Variants in FAP observed in about 807,000 individuals in gnomAD.
FAP encodes prolyl endopeptidase FAP.
FAP carries 110 observed loss-of-function variants against 126.5 expected under a neutral mutation model. That is an observed-to-expected ratio of 0.87 (90% CI 0.74 to 1.02). The LOEUF is 1.02. Ranked by LOEUF, FAP falls within the 50% of genes least tolerant of loss-of-function variation. FAP has a pLI of 0.00. For synonymous variants in FAP, 334 were observed against 297.3 expected (o/e 1.12, Z -1.27); for missense variants, 919 against 909.2 (o/e 1.01, Z -0.14).
chr2:162,227,101 A>G (rs1689686074), intron 2 of FAP, among the ~76,000 whole-genome samples: 1 of 152,148 alleles, frequency 6.6e-6, no homozygotes, highest in South Asian at 2.1e-4. Context: ...TGATTTATCA[A>G]TGATGTATTT....
At chr2:162,194,784 G>T in intron 16 of FAP, 36 bp from the exon 17 acceptor site, 1 of 1,598,004 alleles carries the variant, frequency 6.3e-7, no homozygotes, top group Non-Finnish European at 8.6e-7. Context: ...ATGGCTTAGT[G>T]TTAAAATAAC....
intron 16 of FAP, among the ~76,000 whole-genome samples, chr2:162,196,819 A>G (rs1688270729): frequency 6.6e-6 from 1 of 152,208 alleles, no homozygotes; most frequent in South Asian, 2.1e-4. Flanking sequence ...CTGGAGCTTC[A>G]AAAACACCAG....
intron 12 of FAP, among the ~76,000 whole-genome samples, chr2:162,209,158 G>A (rs1688827044): frequency 6.6e-6 from 1 of 152,022 alleles, no homozygotes; most frequent in East Asian, 1.9e-4. Flanking sequence ...ATGGGCTAAT[G>A]TGTTAAACCA....
At position 162,224,981 on chromosome 2, in the gene FAP, C is replaced by G. The variant is rs1160100706; in HGVS notation, c.286-441G>C. Among the ~76,000 whole-genome samples, 8 of 152,236 alleles carry G rather than the reference C, an allele frequency of 5.3e-5. No individual in the cohort carries two copies. In the East Asian group the frequency reaches 1.5e-3, roughly 29 times the overall value. On this transcript the variant is annotated intron_variant, in intron 4 of 25. Coordinates refer to ENST00000188790, the MANE Select transcript of FAP (RefSeq NM_004460.5). Reference sequence around the variant, plus strand: ...TTGGAGGACTGGGAGCCCAGTGGGACAGAACAGTTAAGTGCCCATACTTTA... The same window carrying G: ...TTGGAGGACTGGGAGCCCAGTGGGAGAGAACAGTTAAGTGCCCATACTTTA...
At chr2:162,174,762 T>A (rs746086122) in intron 22 of FAP, 105 bp downstream of exon 22, 1 of 680,240 alleles carries the variant, frequency 1.5e-6, no homozygotes, top group African/African-American at 1.8e-5. Context: ...TCCCCAGTGA[T>A]GCTGGGGTGA....
intron 21 of FAP, chr2:162,176,697 G>C (rs1364285614): frequency 2.0e-5 from 3 of 152,080 alleles, no homozygotes; most frequent in Non-Finnish European, 4.4e-5. Context: ...GGTTTTATTG[G>C]CAAAGTGTGT....
At chr2:162,213,413 C>A (rs1689037056) in intron 11 of FAP, among the ~76,000 whole-genome samples, 1 of 147,890 alleles carries the variant, frequency 6.8e-6, no homozygotes, top group Non-Finnish European at 1.5e-5. Flanking sequence ...ACAAAAAAAA[C>A]AAAAAACAAA....
chr2:162,178,416 T>C (rs1687562343), intron 21 of FAP, among the ~76,000 whole-genome samples: 1 of 152,192 alleles, frequency 6.6e-6, no homozygotes, highest in African/African-American at 2.4e-5. Context: ...CTGTCCTATG[T>C]ATCACAGGAT....
At chr2:162,195,952 G>A (rs572585051) in intron 16 of FAP, among the ~76,000 whole-genome samples, 1 of 152,168 alleles carries the variant, frequency 6.6e-6, no homozygotes, top group South Asian at 2.1e-4. Context: ...GAGGAGAAAT[G>A]ATTTTTTTGT....
rs1188191755 is a variant in FAP at position 162,219,201 on chromosome 2, G to T, written c.487-18C>A. Reference sequence around the variant, plus strand: ...ACATATGCCTAAAAGTGGTGGTAAGGGGAAATTCCACAACAAATTAAATGA... The same window carrying T: ...ACATATGCCTAAAAGTGGTGGTAAGTGGAAATTCCACAACAAATTAAATGA... On this transcript the variant is annotated intron_variant, in intron 7 of 25. Coordinates refer to ENST00000188790, the MANE Select transcript of FAP (RefSeq NM_004460.5). 6.3e-7 allele frequency: 1 copy of T among 1,594,520 alleles called. No homozygotes were observed. The highest frequency in any genetic ancestry group is 1.7e-5 in the Admixed American group (1 of 57,944).
intron 16 of FAP, chr2:162,198,514 G>T: frequency 1.5e-6 from 1 of 686,394 alleles, no homozygotes; most frequent in Non-Finnish European, 2.2e-6. Flanking sequence ...CTGATGCTTA[G>T]CTGCAGTGCG....
intron 6 of FAP, among the ~76,000 whole-genome samples, chr2:162,221,210 G>A (rs1045491112): frequency 5.9e-5 from 9 of 152,066 alleles, no homozygotes; most frequent in Admixed American, 1.3e-4. Flanking sequence ...CTGGGTGATC[G>A]GGAACATGTT....
intron 14 of FAP, among the ~76,000 whole-genome samples, chr2:162,201,260 GA>G (rs1688488188): frequency 6.6e-6 from 1 of 152,162 alleles, no homozygotes; most frequent in South Asian, 2.1e-4. Flanking sequence ...CCACGAATGT[GA>G]AAAGTTTGGG....
intron 2 of FAP, among the ~76,000 whole-genome samples, chr2:162,238,645 A>C (rs1690231118): frequency 6.6e-6 from 1 of 152,168 alleles, no homozygotes; most frequent in Non-Finnish European, 1.5e-5. Flanking sequence ...TAGTGAAAAA[A>C]TAAGCTTAAA....
chr2:162,203,647 G>A (rs1317853473), intron 12 of FAP, among the ~76,000 whole-genome samples: 1 of 152,076 alleles, frequency 6.6e-6, no homozygotes, highest in African/African-American at 2.4e-5. Flanking sequence ...ATGGTGAGGA[G>A]GGGCTTCTGG....
chr2:162,214,083 A>C lies in FAP; in HGVS notation c.867-10T>G, dbSNP rs1485290834. 6 of 1,612,792 alleles carry C rather than the reference A, an allele frequency of 3.7e-6. No homozygotes were observed. The highest frequency in any genetic ancestry group is 5.1e-6 in the Non-Finnish European group (6 of 1,179,562). On this transcript the variant is annotated splice_polypyrimidine_tract_variant and intron_variant, in intron 10 of 25. Transcript: ENST00000188790. ...ACTGAAATAATAATCACTGCAAATAAAATAGAAACAGGTAGTCACAACCAT... is the reference window on the plus strand; with the variant it reads ...ACTGAAATAATAATCACTGCAAATACAATAGAAACAGGTAGTCACAACCAT...
chr2:162,217,792 A>G (rs1576180397), intron 9 of FAP, among the ~76,000 whole-genome samples, 194 bp downstream of exon 9: 1 of 152,192 alleles, frequency 6.6e-6, no homozygotes, highest in South Asian at 2.1e-4. Flanking sequence ...TGCAAAGACT[A>G]CTTCATCCAG....
chr2:162,243,044 G>A, intron 1 of FAP, 52 bp from the exon 2 acceptor site: 1 of 1,415,196 alleles, frequency 7.1e-7, no homozygotes, highest in South Asian at 1.2e-5. Context: ...CTAAATAGTA[G>A]AAATGGCAAG....
intron 7 of FAP, 81 bp downstream of exon 7, chr2:162,219,772 A>G (rs2106276847): frequency 3.3e-6 from 3 of 910,180 alleles, no homozygotes; most frequent in Non-Finnish European, 5.4e-6. Flanking sequence ...TCTTTCAGGC[A>G]GGGAAATTTA....
Sources: allele counts gnomAD v4.1 joint callset (sites outside exome capture counted in the v4.1 genomes callset), GRCh38; gene constraint gnomAD v4.1.1; transcripts MANE v1.5; gene names NCBI Gene and HGNC (gene_info 2026-07-23, HGNC 2026-07-21).